FAF1: variants seen among roughly 807,000 people sequenced by gnomAD.
The protein encoded by FAF1 is Fas associated factor 1, also known as FAS-associated factor 1.
FAF1 carries 25 observed loss-of-function variants against 92.5 expected under a neutral mutation model. That is an observed-to-expected ratio of 0.27 (90% CI 0.20 to 0.38). The LOEUF is 0.38. FAF1 is among the 10% of genes least tolerant of loss of function. FAF1 has a pLI of 1.00. For synonymous variants in FAF1, 234 were observed against 273.2 expected (o/e 0.86, Z 1.42); for missense variants, 636 against 793.3 (o/e 0.80, Z 2.38).
intron 12 of FAF1, among the ~76,000 whole-genome samples, chr1:50,573,834 A>G (rs1650578811): frequency 6.6e-6 from 1 of 151,950 alleles, no homozygotes; most frequent in African/African-American, 2.4e-5. Flanking sequence ...AAAAAAAACA[A>G]AACAAAGCCT....
intron 13 of FAF1, among the ~76,000 whole-genome samples, chr1:50,549,353 G>A (rs911311326): frequency 4.6e-5 from 7 of 152,110 alleles, no homozygotes; most frequent in African/African-American, 1.2e-4. Context: ...CTGTTGCCCA[G>A]GCTGGAGTGC....
At chr1:50,762,152 A>G (rs1433000110) in intron 4 of FAF1, among the ~76,000 whole-genome samples, 1 of 152,060 alleles carries the variant, frequency 6.6e-6, no homozygotes, top group African/African-American at 2.4e-5. Flanking sequence ...GGACCTCTTC[A>G]AGGAGAACTA....
At chr1:50,873,306 C>G (rs918084752) in intron 1 of FAF1, among the ~76,000 whole-genome samples, 7 of 152,132 alleles carry the variant, frequency 4.6e-5, no homozygotes, top group African/African-American at 1.7e-4. Flanking sequence ...CCGCATTGGT[C>G]GGGAACTGAG....
At chr1:50,642,926 T>C (rs1012867085) in intron 8 of FAF1, among the ~76,000 whole-genome samples, 3 of 152,000 alleles carry the variant, frequency 2.0e-5, no homozygotes, top group Non-Finnish European at 4.4e-5. Context: ...CTGCAACCTC[T>C]GCCTCCCAGG....
chr1:50,560,711 AT>A (rs1649862771), intron 13 of FAF1, among the ~76,000 whole-genome samples: 1 of 152,234 alleles, frequency 6.6e-6, no homozygotes, highest in African/African-American at 2.4e-5. Context: ...TTCCAGTCAA[AT>A]TCAATGTTTG....
At chr1:50,739,356 A>G (rs552485397) in intron 5 of FAF1, among the ~76,000 whole-genome samples, 7 of 152,144 alleles carry the variant, frequency 4.6e-5, no homozygotes, top group East Asian at 1.9e-4. Flanking sequence ...ATACATGTGT[A>G]CATGTGTACA....
At chr1:50,621,041 CTCCTACCCTAGTTCTCAGTCCTCTGA>C (rs1653173239) in intron 8 of FAF1, among the ~76,000 whole-genome samples, 1 of 152,256 alleles carries the variant, frequency 6.6e-6, no homozygotes, top group Non-Finnish European at 1.5e-5. Context: ...GCACACCCTG[CTCCTACCCTAGTTCTCAGTCCTCTGA>C]TGGTGGGGGC....
intron 8 of FAF1, among the ~76,000 whole-genome samples, chr1:50,599,304 G>T (rs1651983809): frequency 6.6e-6 from 1 of 152,058 alleles, no homozygotes; most frequent in Non-Finnish European, 1.5e-5. Context: ...TAGAGACGGG[G>T]TTTTAACACG....
chr1:50,546,408 T>TC (rs1649018520), intron 13 of FAF1, among the ~76,000 whole-genome samples: 1 of 152,194 alleles, frequency 6.6e-6, no homozygotes, highest in Non-Finnish European at 1.5e-5. Context: ...CTCTGTCGTC[T>TC]AGGCTGGAGT....
intron 4 of FAF1, among the ~76,000 whole-genome samples, chr1:50,781,448 C>T (rs72690488): frequency 0.014 from 2,072 of 152,172 alleles, 23 homozygotes; most frequent in Middle Eastern, 0.02. Context: ...GGTCAATTCA[C>T]CAGGAAGATA....
chr1:50,739,573 A>AAT (rs1235914851), intron 5 of FAF1, among the ~76,000 whole-genome samples: 5 of 152,192 alleles, frequency 3.3e-5, no homozygotes, highest in Non-Finnish European at 5.9e-5. Context: ...TTCACTGAAG[A>AAT]AGTATATCCT....
intron 15 of FAF1, among the ~76,000 whole-genome samples, chr1:50,531,011 TG>T (rs1295146467): frequency 6.6e-6 from 1 of 152,180 alleles, no homozygotes; most frequent in Non-Finnish European, 1.5e-5. Context: ...CAATTTCCTT[TG>T]GCAACAAAAA....
At chr1:50,937,836 C>T (rs982849502) in intron 1 of FAF1, among the ~76,000 whole-genome samples, 2 of 152,084 alleles carry the variant, frequency 1.3e-5, no homozygotes, top group Non-Finnish European at 2.9e-5. Context: ...ATAATGCCTG[C>T]CACAGAGCAG....
intron 18 of FAF1, among the ~76,000 whole-genome samples, chr1:50,453,077 T>C (rs1477092302): frequency 6.6e-6 from 1 of 152,238 alleles, no homozygotes; most frequent in East Asian, 1.9e-4. Flanking sequence ...CTTTCCCAGT[T>C]TGTACACGGT....
At chr1:50,778,847 A>G (rs1233315990) in intron 4 of FAF1, among the ~76,000 whole-genome samples, 1 of 152,022 alleles carries the variant, frequency 6.6e-6, no homozygotes, top group African/African-American at 2.4e-5. Context: ...AGACACACAC[A>G]CACACACACA....
chr1:50,755,484 G>A (rs1660040396), intron 4 of FAF1, among the ~76,000 whole-genome samples: 1 of 152,196 alleles, frequency 6.6e-6, no homozygotes, highest in Non-Finnish European at 1.5e-5. Context: ...TCAAGGGCTG[G>A]CACTGAGTGT....
At chr1:50,808,929 G>C (rs1471110811) in intron 2 of FAF1, among the ~76,000 whole-genome samples, 1 of 152,080 alleles carries the variant, frequency 6.6e-6, no homozygotes, top group East Asian at 1.9e-4. Flanking sequence ...AATTCAACAA[G>C]AAGACCTAAC....
At chr1:50,563,630 T>C (rs1234390790) in intron 13 of FAF1, among the ~76,000 whole-genome samples, 1 of 152,220 alleles carries the variant, frequency 6.6e-6, no homozygotes, top group African/African-American at 2.4e-5. Flanking sequence ...AATGCATACA[T>C]TCATTTGCTA....
chr1:50,532,654 C>T (rs1648239866), intron 15 of FAF1, among the ~76,000 whole-genome samples: 1 of 151,928 alleles, frequency 6.6e-6, no homozygotes, highest in South Asian at 2.1e-4. Context: ...GAAACATTGA[C>T]TATTAAGAAA....
Sources: allele counts gnomAD v4.1 joint callset (sites outside exome capture counted in the v4.1 genomes callset), GRCh38; gene constraint gnomAD v4.1.1; transcripts MANE v1.5; gene names NCBI Gene and HGNC (gene_info 2026-07-23, HGNC 2026-07-21).